The following CNTNAP2 variants were observed in gnomAD, a reference collection of about 807,000 sequenced individuals.
CNTNAP2 encodes the protein contactin-associated protein-like 2.
A neutral mutation model predicts 155.2 loss-of-function variants in CNTNAP2; 98 were observed. That is an observed-to-expected ratio of 0.63 (90% CI 0.54 to 0.75). CNTNAP2 has a LOEUF of 0.75. CNTNAP2 is among the 30% of genes least tolerant of loss of function. CNTNAP2 has a pLI of 0.00. For missense variants in CNTNAP2, 1,727 were observed against 1,688.1 expected (o/e 1.02, Z -0.40); for synonymous variants, 651 against 631.2 (o/e 1.03, Z -0.47).
At chr7:147,998,269 G>A (rs559507800) in intron 15 of CNTNAP2, among the ~76,000 whole-genome samples, 1 of 151,882 alleles carries the variant, frequency 6.6e-6, no homozygotes, top group East Asian at 1.9e-4. Flanking sequence ...CCGCCACCAC[G>A]TCTGGCTAAT....
chr7:148,381,275 A>C (rs921484978), intron 21 of CNTNAP2: 4 of 152,286 alleles, frequency 2.6e-5, no homozygotes, highest in African/African-American at 9.6e-5. Context: ...CAGTGAGTAC[A>C]AAGGGCAAGT....
At chr7:146,860,144 A>G (rs1040570011) in intron 3 of CNTNAP2, among the ~76,000 whole-genome samples, 5 of 152,258 alleles carry the variant, frequency 3.3e-5, no homozygotes, top group Non-Finnish European at 7.3e-5. Flanking sequence ...CAGATGTTAC[A>G]ATGAGTAATG....
At chr7:147,760,780 T>C (rs1333579908) in intron 13 of CNTNAP2, among the ~76,000 whole-genome samples, 5 of 152,198 alleles carry the variant, frequency 3.3e-5, no homozygotes, top group Non-Finnish European at 5.9e-5. Flanking sequence ...CTGTGGACAG[T>C]ATTATCTTAG....
At chr7:147,110,173 C>T (rs975016528) in intron 5 of CNTNAP2, among the ~76,000 whole-genome samples, 2 of 152,102 alleles carry the variant, frequency 1.3e-5, no homozygotes, top group East Asian at 3.9e-4. Flanking sequence ...GATCCACCTG[C>T]CTTGGCCTTC....
chr7:146,672,024 C>T (rs1263690036), intron 1 of CNTNAP2, among the ~76,000 whole-genome samples: 1 of 152,058 alleles, frequency 6.6e-6, no homozygotes, highest in Non-Finnish European at 1.5e-5. Context: ...CCATCTTGGC[C>T]AGGCTGGTCT....
chr7:146,868,019 GT>G (rs1795238688), intron 3 of CNTNAP2, among the ~76,000 whole-genome samples: 4 of 152,206 alleles, frequency 2.6e-5, no homozygotes, highest in Admixed American at 2.6e-4. Context: ...ACGCTCTTAA[GT>G]TTAATTAGAT....
At chr7:147,423,970 C>T (rs1797337981) in intron 10 of CNTNAP2, among the ~76,000 whole-genome samples, 1 of 152,198 alleles carries the variant, frequency 6.6e-6, no homozygotes, top group Non-Finnish European at 1.5e-5. Flanking sequence ...AACAGCAATG[C>T]TGATTAAGTG....
chr7:146,956,770 A>G (rs1225077237), intron 3 of CNTNAP2, among the ~76,000 whole-genome samples: 5 of 152,166 alleles, frequency 3.3e-5, no homozygotes, highest in African/African-American at 4.8e-5. Flanking sequence ...GCATGTTTTC[A>G]TAGACTATTG....
At chr7:146,571,543 A>G (rs1296392607) in intron 1 of CNTNAP2, among the ~76,000 whole-genome samples, 1 of 152,084 alleles carries the variant, frequency 6.6e-6, no homozygotes. Flanking sequence ...TCAAAAAGTT[A>G]TGATTTTTGT....
At chr7:147,234,822 G>GT (rs1445745326) in intron 8 of CNTNAP2, among the ~76,000 whole-genome samples, 1 of 152,126 alleles carries the variant, frequency 6.6e-6, no homozygotes, top group Non-Finnish European at 1.5e-5. Flanking sequence ...CTCATGGTTA[G>GT]TTTCAAGTTT....
At chr7:147,836,705 C>T (rs555120194) in intron 13 of CNTNAP2, among the ~76,000 whole-genome samples, 1 of 152,204 alleles carries the variant, frequency 6.6e-6, no homozygotes, top group Admixed American at 6.5e-5. Flanking sequence ...CTCATCATGA[C>T]ATTTCATGGG....
rs140455470 is a variant in CNTNAP2 at position 148,118,007 on chromosome 7, A to C, written c.2384-111A>C. 5.3e-3 allele frequency: 6,379 copies of C among 1,211,856 alleles called. 113 individuals are homozygous for C. Among genetic ancestry groups the C allele is most frequent in the South Asian group, 0.043 (3,530 of 82,164 alleles). 75.1% of individuals were successfully genotyped at this position (1,211,856 alleles called of 1,614,324 possible). ...AATGTTGTTCAACAGAATGAGAGAA[A>C]ATAATGACTATTGCTAATGGTACTT... is the stretch of plus-strand genomic sequence containing the variant. On this transcript the variant is annotated intron_variant, in intron 15 of 23. Coordinates refer to ENST00000361727, the MANE Select transcript of CNTNAP2 (RefSeq NM_014141.6).
chr7:147,949,176 G>A (rs1360785583), intron 14 of CNTNAP2, among the ~76,000 whole-genome samples: 2 of 151,200 alleles, frequency 1.3e-5, no homozygotes, highest in African/African-American at 4.9e-5. Context: ...CTCCAGCCTG[G>A]GCAATAAGAG....
chr7:147,491,732 T>G (rs1798613378), intron 11 of CNTNAP2, among the ~76,000 whole-genome samples: 1 of 152,110 alleles, frequency 6.6e-6, no homozygotes, highest in Non-Finnish European at 1.5e-5. Context: ...TACAGTAAAT[T>G]TATGAAGATA....
intron 3 of CNTNAP2, among the ~76,000 whole-genome samples, chr7:146,991,551 ATTG>A (rs1461409829): frequency 6.6e-6 from 1 of 152,200 alleles, no homozygotes; most frequent in Non-Finnish European, 1.5e-5. Context: ...TACGAACAGA[ATTG>A]TTTTCATCAA....
At position 148,059,590 on chromosome 7, in the gene CNTNAP2, C is replaced by CAA. The variant is rs200397254; in HGVS notation, c.2384-58512_2384-58511dup. On this transcript the variant is annotated intron_variant, in intron 15 of 23. Coordinates refer to ENST00000361727, the MANE Select transcript of CNTNAP2 (RefSeq NM_014141.6). ...GGGCAGCAAGAGCAAAACTCTGTCT[C>CAA]AAAAAAAAAAAAAAAAAGAAAGAAA... Among the ~76,000 whole-genome samples, 8 of 72,734 alleles carry CAA rather than the reference C, an allele frequency of 1.1e-4. No homozygotes were observed. The East Asian group carries it at 2.3e-3, about 20-fold the overall frequency. The allele number at this position is 72,734 out of a possible 152,430, so 47.7% of individuals were successfully genotyped here.
At chr7:148,211,872 T>A (rs2116747585) in intron 18 of CNTNAP2, among the ~76,000 whole-genome samples, 1 of 152,334 alleles carries the variant, frequency 6.6e-6, no homozygotes, top group East Asian at 1.9e-4. Context: ...TTTTCCAAGT[T>A]GCAAGTTACT....
chr7:146,117,631 C>A (rs1035461452), intron 1 of CNTNAP2, among the ~76,000 whole-genome samples: 3 of 152,150 alleles, frequency 2.0e-5, no homozygotes, highest in East Asian at 1.9e-4. Flanking sequence ...TAAACAGATT[C>A]TTAATAGGGT....
chr7:147,400,608 G>T (rs1260480023), intron 10 of CNTNAP2, among the ~76,000 whole-genome samples: 1 of 152,134 alleles, frequency 6.6e-6, no homozygotes, highest in African/African-American at 2.4e-5. Flanking sequence ...CAGCTCAGCT[G>T]CCAGAGGAAT....
Sources: allele counts gnomAD v4.1 joint callset (sites outside exome capture counted in the v4.1 genomes callset), GRCh38; gene constraint gnomAD v4.1.1; transcripts MANE v1.5; gene names NCBI Gene and HGNC (gene_info 2026-07-23, HGNC 2026-07-21).